Variants in EYS observed in about 807,000 individuals in gnomAD.
EYS encodes protein eyes shut homolog.
EYS carries 250 observed loss-of-function variants against 282.1 expected under a neutral mutation model. That is an observed-to-expected ratio of 0.89 (90% CI 0.80 to 0.98). The LOEUF (loss-of-function observed/expected upper bound fraction) is 0.98. Ranked by LOEUF, EYS falls within the 50% of genes least tolerant of loss-of-function variation. The pLI is 0.00. For missense variants in EYS, 4,016 were observed against 3,709.0 expected, an observed-to-expected ratio of 1.08 and a Z score of -2.15; for synonymous variants, 1,355 against 1,282.9, an observed-to-expected ratio of 1.06 and a Z score of -1.20.
intron 12 of EYS, among the ~76,000 whole-genome samples, chr6:65,118,630 C>T (rs1234745220): frequency 6.6e-6 from 1 of 152,174 alleles, no homozygotes; most frequent in Non-Finnish European, 1.5e-5. Context: ...GTCATCTGCA[C>T]ACAGTTCACT....
intron 26 of EYS, among the ~76,000 whole-genome samples, chr6:64,452,921 G>C (rs1582773069): frequency 6.6e-6 from 1 of 152,100 alleles, no homozygotes; most frequent in South Asian, 2.1e-4. Context: ...AGAAAACCTA[G>C]GCAATACCAT....
At chr6:65,299,790 TTA>T (rs2150288962) in intron 11 of EYS, among the ~76,000 whole-genome samples, 1 of 152,236 alleles carries the variant, frequency 6.6e-6, no homozygotes, top group Non-Finnish European at 1.5e-5. Flanking sequence ...CATTTATTAC[TTA>T]ATAAAAAAGC....
intron 31 of EYS, among the ~76,000 whole-genome samples, chr6:64,095,480 G>T (rs7745591): frequency 0.069 from 10,457 of 152,060 alleles, 948 homozygotes; most frequent in African/African-American, 0.21. Flanking sequence ...AGCTCTTCTT[G>T]TTGAATTGAT....
intron 12 of EYS, among the ~76,000 whole-genome samples, chr6:65,137,044 T>A (rs1426782744): frequency 6.6e-6 from 1 of 152,104 alleles, no homozygotes; most frequent in Non-Finnish European, 1.5e-5. Context: ...CAACACATTG[T>A]GCAGATATTC....
intron 12 of EYS, among the ~76,000 whole-genome samples, chr6:65,282,198 AC>A (rs1768242842): frequency 6.6e-6 from 1 of 152,040 alleles, no homozygotes; most frequent in Admixed American, 6.6e-5. Context: ...AGTATTAAAT[AC>A]ATTTCAAAAT....
At chr6:64,300,828 A>G (rs960003235) in intron 30 of EYS, among the ~76,000 whole-genome samples, 7 of 152,338 alleles carry the variant, frequency 4.6e-5, no homozygotes, top group East Asian at 3.9e-4. Flanking sequence ...AAAGATTTGC[A>G]TTTACAATAC....
intron 31 of EYS, among the ~76,000 whole-genome samples, chr6:64,125,913 CTTCT>C (rs1458409620): frequency 2.8e-5 from 4 of 142,312 alleles, no homozygotes; most frequent in Admixed American, 6.8e-5. Flanking sequence ...GCACTATTCT[CTTCT>C]TTTTTTTTTT....
intron 35 of EYS, among the ~76,000 whole-genome samples, chr6:63,953,418 G>A: frequency 6.6e-6 from 1 of 152,100 alleles, no homozygotes; most frequent in South Asian, 2.1e-4. Flanking sequence ...GTTCTCAGAA[G>A]GATATCGTGT....
At chr6:64,831,115 T>C (rs1471908117) in intron 19 of EYS, among the ~76,000 whole-genome samples, 1 of 152,036 alleles carries the variant, frequency 6.6e-6, no homozygotes, top group East Asian at 1.9e-4. Context: ...CAGGCATTGC[T>C]GTTGAAAGTA....
Position 65,221,648 on chromosome 6 carries a change from GC to G in EYS, c.2023+74214del, listed in dbSNP as rs570183061. ...TGTGGAAGGGAAATGTGGAGTTGGA[GC>G]CCCCACACAGAGTGCCCACTGGGGC... On this transcript the variant is annotated intron_variant, in intron 12 of 42. Coordinates refer to ENST00000503581, the MANE Select transcript of EYS (RefSeq NM_001142800.2). Among the ~76,000 whole-genome samples the G allele has an allele frequency of 8.7e-4, 133 of 152,320 alleles. 1 individual carries two copies. The highest frequency in any genetic ancestry group is 1.5e-3 in the Admixed American group (23 of 15,304).
intron 5 of EYS, among the ~76,000 whole-genome samples, chr6:65,417,130 C>T (rs1041878349): frequency 2.0e-5 from 3 of 151,794 alleles, no homozygotes; most frequent in African/African-American, 7.3e-5. Context: ...CATTGTAAAG[C>T]TGTAGTAGTA....
chr6:64,566,786 A>AT (rs1207959470), intron 26 of EYS, among the ~76,000 whole-genome samples: 1 of 151,920 alleles, frequency 6.6e-6, no homozygotes, highest in East Asian at 1.9e-4. Flanking sequence ...ATATATATAT[A>AT]TTTTTAAGAC....
intron 39 of EYS, among the ~76,000 whole-genome samples, chr6:63,778,736 T>C (rs1770131372): frequency 6.6e-6 from 1 of 152,140 alleles, no homozygotes; most frequent in Non-Finnish European, 1.5e-5. Context: ...GGGGAAAAGA[T>C]ATAGATGCTT....
chr6:65,091,686 G>T (rs957250805), intron 12 of EYS, among the ~76,000 whole-genome samples: 3 of 152,078 alleles, frequency 2.0e-5, no homozygotes, highest in Admixed American at 2.0e-4. Flanking sequence ...TAAGGGGAAT[G>T]GCTGTGGCTT....
At chr6:63,730,144 T>C (rs11755460) in intron 41 of EYS, among the ~76,000 whole-genome samples, 14,452 of 152,222 alleles carry the variant, frequency 0.095, 738 homozygotes, top group East Asian at 0.16. Flanking sequence ...ATTTCCTTTA[T>C]GTTTCCCAAT....
chr6:65,484,726 G>A (rs1433250609), intron 5 of EYS, among the ~76,000 whole-genome samples: 1 of 152,138 alleles, frequency 6.6e-6, no homozygotes, highest in Non-Finnish European at 1.5e-5. Context: ...GGAAAATTGA[G>A]GCTACTAGTT....
At chr6:64,176,199 CAG>C in intron 31 of EYS, among the ~76,000 whole-genome samples, 1 of 151,980 alleles carries the variant, frequency 6.6e-6, no homozygotes, top group Non-Finnish European at 1.5e-5. Flanking sequence ...CCAGGTAAGT[CAG>C]GGGCTTAGAG....
chr6:64,187,827 A>AT (rs111420649), intron 31 of EYS, among the ~76,000 whole-genome samples: 221 of 151,142 alleles, frequency 1.5e-3, no homozygotes, highest in South Asian at 6.8e-3. Flanking sequence ...AATTAGACAG[A>AT]TTTTTTTTTT....
intron 4 of EYS, among the ~76,000 whole-genome samples, chr6:65,494,128 A>G (rs1480928550): frequency 6.6e-6 from 1 of 152,242 alleles, no homozygotes. Context: ...ACTATTAAAC[A>G]TGTTTCTAAG....
Sources: gnomAD v4.1 joint callset for allele counts (sites outside exome capture counted in the v4.1 genomes callset) on GRCh38, gnomAD v4.1.1 for gene constraint, MANE v1.5 for transcripts, NCBI Gene and HGNC (gene_info 2026-07-23, HGNC 2026-07-21) for gene names.